Variants in ATP6V0A4 observed in about 807,000 individuals in gnomAD.
The protein encoded by ATP6V0A4 is V-type proton ATPase 116 kDa subunit a 4.
ATP6V0A4 carries 86 observed loss-of-function variants against 107.3 expected under a neutral mutation model. The ratio of observed to expected loss-of-function variants is 0.80; its 90% CI spans 0.67 to 0.96. The LOEUF (loss-of-function observed/expected upper bound fraction) is 0.96, where lower values mean the gene tolerates loss of function less well. ATP6V0A4 is among the 40% of genes least tolerant of loss of function. ATP6V0A4 has a pLI of 0.00. For synonymous variants in ATP6V0A4, 353 were observed against 381.4 expected (o/e 0.93, Z 0.87); for missense variants, 908 against 1,045.6 (o/e 0.87, Z 1.81).
intron 1 of ATP6V0A4, among the ~76,000 whole-genome samples, chr7:138,793,922 T>G (rs1278007533): frequency 6.6e-6 from 1 of 151,958 alleles, no homozygotes; most frequent in Non-Finnish European, 1.5e-5. Flanking sequence ...GTTCAAAAAT[T>G]ATTCCAAATG....
rs1232800837 is a variant in ATP6V0A4, at chr7:138,752,834, T to C, written c.820A>G (p.Ile274Val). The C allele has an allele frequency of 6.2e-7, 1 of 1,613,816 alleles. No homozygotes were observed. The highest frequency in any genetic ancestry group is 8.5e-7 in the Non-Finnish European group (1 of 1,180,040). The change falls in exon 11 of 22, where the codon ATA becomes GTA. Residue 274 changes from isoleucine to valine, a missense_variant. Ile to Val is a conservative substitution (Grantham distance 29). Transcript: ENST00000310018. Reference sequence around the variant, plus strand: ...TGGCGGTGAGACTCTGTTTGTGTTATGACCTATACAAAAAACAACACACAG... The same window carrying C: ...TGGCGGTGAGACTCTGTTTGTGTTACGACCTATACAAAAAACAACACACAG... The part of the protein sequence containing the change: ...NVRLEDLITV[I>V]TQTESHRQRL...
chr7:138,728,775 G>A lies in ATP6V0A4; in HGVS notation c.1996C>T (p.His666Tyr), dbSNP rs757399634. The A allele has an allele frequency of 1.9e-6, 3 of 1,614,144 alleles. No homozygotes were observed. In the African/African-American group the frequency reaches 4.0e-5, roughly 22 times the overall value. ...LIKPFILRAS[H>Y]RKSQLQASRI... ...ACAGCCCTTACCTGGGATTTCCGAT[G>A]ACTGGCTCTAAGAATAAACGGCTTA... Residue 666 changes from histidine to tyrosine, a missense_variant, in exon 18 of 22, where the codon CAT becomes TAT. His to Tyr is a moderately conservative substitution (Grantham distance 83, BLOSUM62 2). Transcript: ENST00000310018.
intron 21 of ATP6V0A4, among the ~76,000 whole-genome samples, chr7:138,709,011 C>T (rs1803592548): frequency 6.6e-6 from 1 of 152,008 alleles, no homozygotes; most frequent in South Asian, 2.1e-4. Context: ...GAGTTCGAGA[C>T]CAGCCTAGCA....
At chr7:138,726,885 G>T (rs1276158739) in intron 18 of ATP6V0A4, among the ~76,000 whole-genome samples, 1 of 151,978 alleles carries the variant, frequency 6.6e-6, no homozygotes, top group Non-Finnish European at 1.5e-5. Flanking sequence ...AAGTCATCTG[G>T]TGGCGCAAAG....
chr7:138,706,471 C>A lies in ATP6V0A4; in HGVS notation c.*153G>T. Reference sequence around the variant, plus strand: ...CTGACGTGGTTAAGTCGTATCAAATCCACAGGCTGACGTCCAAATAATACA... The same window carrying A: ...CTGACGTGGTTAAGTCGTATCAAATACACAGGCTGACGTCCAAATAATACA... On this transcript the variant is annotated 3_prime_UTR_variant, in exon 22 of 22. Transcript: ENST00000310018. The A allele has an allele frequency of 1.1e-6, 1 of 946,656 alleles. No individual in the cohort carries two copies. The highest frequency in any genetic ancestry group is 1.6e-6 in the Non-Finnish European group (1 of 617,450). 58.6% of individuals were successfully genotyped at this position (946,656 alleles called of 1,614,324 possible). A position where few individuals can be genotyped will look rare whatever the true frequency, so the allele number is the denominator to read the frequency against.
At chr7:138,765,197 C>A (rs930734810) in intron 5 of ATP6V0A4, among the ~76,000 whole-genome samples, 1 of 152,110 alleles carries the variant, frequency 6.6e-6, no homozygotes, top group African/African-American at 2.4e-5. Flanking sequence ...TGGAAAATTT[C>A]AAACACACAC....
At chr7:138,733,136 G>C (rs1179893589) in intron 16 of ATP6V0A4, 43 bp from the exon 17 acceptor site, 1 of 1,612,744 alleles carries the variant, frequency 6.2e-7, no homozygotes, top group Non-Finnish European at 8.5e-7. Flanking sequence ...AGAACATCAA[G>C]GGAACGTTAG....
intron 18 of ATP6V0A4, among the ~76,000 whole-genome samples, chr7:138,723,998 T>C (rs1597577): frequency 0.29 from 42,414 of 146,166 alleles, 6,346 homozygotes; most frequent in South Asian, 0.43. Context: ...AAGGTCAGCC[T>C]GGGCAACAAA....
chr7:138,730,790 T>C (rs968902838), intron 17 of ATP6V0A4, among the ~76,000 whole-genome samples: 4 of 152,178 alleles, frequency 2.6e-5, no homozygotes, highest in Non-Finnish European at 4.4e-5. Context: ...GTTCAGTTCA[T>C]GTCAACATTC....
chr7:138,768,902 C>G, intron 4 of ATP6V0A4, 28 bp from the exon 5 acceptor site: 1 of 1,613,414 alleles, frequency 6.2e-7, no homozygotes. Flanking sequence ...ACCAGAAACC[C>G]CAAGGTGATT....
chr7:138,762,020 C>T (rs969450584), intron 7 of ATP6V0A4, among the ~76,000 whole-genome samples: 4 of 152,088 alleles, frequency 2.6e-5, no homozygotes, highest in Non-Finnish European at 5.9e-5. Context: ...AACATAAGTC[C>T]CCATAGCCTT....
At chr7:138,752,529 C>A (rs1806284601) in intron 11 of ATP6V0A4, 96 bp downstream of exon 11, 5 of 1,477,534 alleles carry the variant, frequency 3.4e-6, no homozygotes, top group East Asian at 2.4e-5. Flanking sequence ...ACCACCAAGT[C>A]ACTTGAGTTC....
chr7:138,797,962 C>A, intron 1 of ATP6V0A4, 72 bp downstream of exon 1: 1 of 1,539,652 alleles, frequency 6.5e-7, no homozygotes. Context: ...ATGGTGTTTC[C>A]CCCAAACACC....
intron 16 of ATP6V0A4, among the ~76,000 whole-genome samples, chr7:138,733,581 T>A (rs1387556439): frequency 1.5e-5 from 2 of 134,382 alleles, no homozygotes; most frequent in Non-Finnish European, 3.0e-5. Flanking sequence ...TCTTTTTTTT[T>A]TTTTTTTTTT....
At chr7:138,776,223 A>G (rs1483293425) in intron 2 of ATP6V0A4, among the ~76,000 whole-genome samples, 1 of 152,248 alleles carries the variant, frequency 6.6e-6, no homozygotes, top group Non-Finnish European at 1.5e-5. Flanking sequence ...GGGAAGCAGC[A>G]GGGAGGAGCT....
intron 20 of ATP6V0A4, among the ~76,000 whole-genome samples, chr7:138,710,901 G>C (rs1803705617): frequency 6.6e-6 from 1 of 152,132 alleles, no homozygotes; most frequent in Non-Finnish European, 1.5e-5. Context: ...TCCAAATTAA[G>C]AGCCAAGTCA....
intron 19 of ATP6V0A4, among the ~76,000 whole-genome samples, chr7:138,718,054 A>G (rs74218252): frequency 0.6 from 3,717 of 6,224 alleles, 1,371 homozygotes; most frequent in East Asian, 0.69. Context: ...GTGGGGGGGT[A>G]CAGTCACGGG....
At position 138,747,245 on chromosome 7, in the gene ATP6V0A4, C is replaced by T. The variant is rs73730496; in HGVS notation, c.1320+180G>A. On this transcript the variant is annotated intron_variant, in intron 13 of 21. Transcript: ENST00000310018. ...AAAAACCCAAAAATGCTGAAAGGAA[C>T]GGCACCAAACCATCCAAAGGAATTA... Among the ~76,000 whole-genome samples the T allele has an allele frequency of 0.01, 1,578 of 152,164 alleles. 29 individuals are homozygous for T. The highest frequency in any genetic ancestry group is 0.035 in the African/African-American group (1,462 of 41,502).
chr7:138,768,903 C>A (rs1807225884), intron 4 of ATP6V0A4, 29 bp from the exon 5 acceptor site: 1 of 1,613,238 alleles, frequency 6.2e-7, no homozygotes, highest in Admixed American at 1.7e-5. Context: ...CCAGAAACCC[C>A]AAGGTGATTG....
Sources: gnomAD v4.1 joint callset for allele counts (sites outside exome capture counted in the v4.1 genomes callset) on GRCh38, gnomAD v4.1.1 for gene constraint, MANE v1.5 for transcripts, NCBI Gene and HGNC (gene_info 2026-07-23, HGNC 2026-07-21) for gene names.